HELLS: variants seen among roughly 807,000 people sequenced by gnomAD.
HELLS encodes helicase, lymphoid specific.
Under a neutral mutation model 120.0 loss-of-function variants are expected in HELLS, and 32 were observed. That is an observed-to-expected ratio of 0.27 (90% confidence interval 0.20 to 0.36). The LOEUF is 0.36. Among genes scored for constraint, HELLS ranks in the 10% least tolerant of loss-of-function variants. The probability of loss-of-function intolerance (pLI) is 1.00; values close to 1 mark genes in which losing one functional copy is unlikely to be tolerated. For synonymous variants in HELLS, 341 were observed against 323.4 expected, an observed-to-expected ratio of 1.05 and a Z score of -0.58; for missense variants, 650 against 993.4, an observed-to-expected ratio of 0.65 and a Z score of 4.65.
downstream of HELLS, among the ~76,000 whole-genome samples, chr10:94,602,725 T>C (rs536239261): frequency 1.3e-5 from 2 of 152,322 alleles, no homozygotes; most frequent in South Asian, 4.1e-4. Context: ...CGTTTTGAGG[T>C]ACAGGTGGGT....
In HELLS at chr10:94,546,375, A is replaced by C; in HGVS notation, c.32-2A>C. ...CAATTTGAAAGCTTTCTCCCCCGTCAGGCTCGGAGGCTCCAGCAATGGTTG... is the reference window on the plus strand; with the variant it reads ...CAATTTGAAAGCTTTCTCCCCCGTCCGGCTCGGAGGCTCCAGCAATGGTTG... On this transcript the variant is annotated splice_acceptor_variant, in intron 1 of 21. Coordinates refer to ENST00000348459, the MANE Select transcript of HELLS (RefSeq NM_018063.5). LOFTEE classifies it high-confidence loss of function. The C allele has an allele frequency of 6.2e-7, 1 of 1,614,104 alleles. No individual in the cohort carries two copies. Among genetic ancestry groups the C allele is most frequent in the East Asian group, 2.2e-5 (1 of 44,874 alleles).
intron 19 of HELLS, among the ~76,000 whole-genome samples, chr10:94,595,181 T>C (rs946973475): frequency 4.0e-5 from 6 of 151,772 alleles, no homozygotes; most frequent in Non-Finnish European, 8.8e-5. Flanking sequence ...TGAGCCGAGA[T>C]CGTGCCACTG....
At chr10:94,551,898 C>T (rs1040127730) in intron 2 of HELLS, among the ~76,000 whole-genome samples, 2 of 151,984 alleles carry the variant, frequency 1.3e-5, no homozygotes, top group African/African-American at 4.8e-5. Flanking sequence ...TGCAACCACA[C>T]GCGGCTAATT....
chr10:94,574,098 A>C lies in HELLS; in HGVS notation c.616A>C (p.Asn206His), dbSNP rs767439235. 6.2e-7 allele frequency: 1 copy of C among 1,614,054 alleles called. No homozygotes were observed. Among genetic ancestry groups the C allele is most frequent in the Admixed American group, 1.7e-5 (1 of 60,008 alleles). ...KFFFDPVRKCNGQPVPFQQPK... is the reference protein window; with the variant it reads ...KFFFDPVRKCHGQPVPFQQPK... The stretch of plus-strand genomic sequence containing the variant: ...CTTTTTTGACCCAGTCCGGAAGTGT[A>C]ATGGTCAGCCAGTACCTTTTCAACA... The change falls in exon 8 of 22, where the codon AAT (asparagine) becomes CAT (histidine). Residue 206 changes from asparagine to histidine, a missense_variant. Transcript: ENST00000348459.
intron 17 of HELLS, 84 bp downstream of exon 17, chr10:94,592,598 A>G: frequency 1.1e-6 from 1 of 908,832 alleles, no homozygotes; most frequent in Admixed American, 3.1e-5. Context: ...AAATAGACCC[A>G]CAAATTGATA....
chr10:94,546,135 C>G (rs1305309272), intron 1 of HELLS, among the ~76,000 whole-genome samples, 183 bp downstream of exon 1: 1 of 152,092 alleles, frequency 6.6e-6, no homozygotes, highest in Non-Finnish European at 1.5e-5. Context: ...ATTAGCATGC[C>G]GGTGAAGATT....
At chr10:94,608,347 C>T (rs1471081375) in intron 9 of HELLS, among the ~76,000 whole-genome samples, 1 of 152,290 alleles carries the variant, frequency 6.6e-6, no homozygotes, top group East Asian at 1.9e-4. Context: ...AAGCATGTCA[C>T]TGTATCTTTT....
At chr10:94,556,814 G>A (rs1163250772) in intron 3 of HELLS, among the ~76,000 whole-genome samples, 2 of 152,010 alleles carry the variant, frequency 1.3e-5, no homozygotes, top group Admixed American at 1.3e-4. Flanking sequence ...CTTTAAAGAT[G>A]TTTCACTGTC....
chr10:94,598,175 G>C (rs1845836045), intron 21 of HELLS, among the ~76,000 whole-genome samples: 1 of 152,116 alleles, frequency 6.6e-6, no homozygotes, highest in South Asian at 2.1e-4. Flanking sequence ...TGTTGCATCT[G>C]TATGGTGGAG....
At chr10:94,606,644 C>T (rs1350175293), downstream of HELLS, among the ~76,000 whole-genome samples, 3 of 152,198 alleles carry the variant, frequency 2.0e-5, no homozygotes, top group African/African-American at 7.2e-5. Context: ...GCCACCACCA[C>T]TAGCACTTCT....
At chr10:94,574,530 T>TA (rs1206870160) in intron 8 of HELLS, 24 bp from the exon 9 acceptor site, 2 of 1,554,360 alleles carry the variant, frequency 1.3e-6, no homozygotes, top group African/African-American at 2.7e-5. Flanking sequence ...CAAGTTTAAA[T>TA]ACAGTATCTA....
chr10:94,571,468 T>C, intron 7 of HELLS, 39 bp downstream of exon 7: 1 of 1,421,704 alleles, frequency 7.0e-7, no homozygotes, highest in East Asian at 2.4e-5. Flanking sequence ...TTAGAAGTCA[T>C]ATTTACTCCT....
At chr10:94,559,399 C>T (rs1843435753) in intron 4 of HELLS, among the ~76,000 whole-genome samples, 2 of 152,020 alleles carry the variant, frequency 1.3e-5, no homozygotes, top group African/African-American at 2.4e-5. Flanking sequence ...GCATGAGGTA[C>T]AGTGCTGTTG....
intron 6 of HELLS, among the ~76,000 whole-genome samples, chr10:94,563,508 G>A (rs1016618810): frequency 1.3e-5 from 2 of 150,312 alleles, no homozygotes; most frequent in South Asian, 2.1e-4. Context: ...TTTTTTTGAG[G>A]CAGGGTATCA....
downstream of HELLS, among the ~76,000 whole-genome samples, chr10:94,603,831 TC>T (rs142109679): frequency 0.38 from 57,409 of 151,230 alleles, 11,213 homozygotes; most frequent in East Asian, 0.67. Context: ...TTTCTTTCTT[TC>T]CTTTTTTTCC....
intron 5 of HELLS, 27 bp downstream of exon 5, chr10:94,562,754 G>C (rs1372372287): frequency 6.4e-7 from 1 of 1,567,024 alleles, no homozygotes; most frequent in Non-Finnish European, 8.7e-7. Context: ...TAGTTTTGAA[G>C]AATATGCGTT....
At chr10:94,565,989 C>T (rs573733838) in intron 6 of HELLS, among the ~76,000 whole-genome samples, 1 of 152,152 alleles carries the variant, frequency 6.6e-6, no homozygotes, top group South Asian at 2.1e-4. Context: ...ACCTCCCAGA[C>T]TCAAGTGATC....
rs139946328 is a variant in HELLS at position 94,600,995 on chromosome 10, A to G, written c.2423-533A>G. Among the ~76,000 whole-genome samples, 235 of 152,312 alleles carry G rather than the reference A, an allele frequency of 1.5e-3. 1 individual carries two copies. The highest frequency in any genetic ancestry group is 2.7e-3 in the Non-Finnish European group (186 of 68,006). Reference sequence around the variant, plus strand: ...AGCAGGCTATTACCAAGAGAGAAAGAAATGTCTGATGAACAGACAAGGATG... The same window carrying G: ...AGCAGGCTATTACCAAGAGAGAAAGGAATGTCTGATGAACAGACAAGGATG... On this transcript the variant is annotated intron_variant, in intron 21 of 21. Coordinates refer to ENST00000348459, the MANE Select transcript of HELLS (RefSeq NM_018063.5).
intron 3 of HELLS, among the ~76,000 whole-genome samples, chr10:94,557,688 C>G (rs1268318278): frequency 6.6e-6 from 1 of 152,216 alleles, no homozygotes; most frequent in African/African-American, 2.4e-5. Flanking sequence ...GAGATAACAG[C>G]TGCCTTTGTG....
Sources: allele counts gnomAD v4.1 joint callset (sites outside exome capture counted in the v4.1 genomes callset), GRCh38; gene constraint gnomAD v4.1.1; transcripts MANE v1.5; gene names NCBI Gene and HGNC (gene_info 2026-07-23, HGNC 2026-07-21).